The following PDGFRL variants were observed in gnomAD, a reference collection of about 807,000 sequenced individuals.
PDGFRL encodes the protein platelet-derived growth factor receptor-like protein.
Under a neutral mutation model 37.2 loss-of-function variants are expected in PDGFRL, and 46 were observed. The observed-to-expected ratio is 1.24, with a 90% confidence interval of 0.98 to 1.58. The LOEUF is 1.58. Among genes scored for constraint, PDGFRL ranks in the 40% most tolerant of loss-of-function variants. The pLI is 0.00. For missense variants in PDGFRL, 692 were observed against 467.6 expected, an observed-to-expected ratio of 1.48 and a Z score of -4.43; for synonymous variants, 251 against 184.3, an observed-to-expected ratio of 1.36 and a Z score of -2.93.
Position 17,617,650 on chromosome 8 carries a change from G to C in PDGFRL, c.354-3401G>C, listed in dbSNP as rs186973365. Among the ~76,000 whole-genome samples, 7 of 152,262 alleles carry C rather than the reference G, an allele frequency of 4.6e-5. No individual in the cohort carries two copies. In the East Asian group the frequency reaches 1.2e-3, roughly 25 times the overall value. On this transcript the variant is annotated intron_variant, in intron 2 of 5. Coordinates refer to ENST00000251630, the MANE Select transcript of PDGFRL (RefSeq NM_001372073.1). ...AATAATTTGTTTCCTGTTTTATATT[G>C]TTTGCGTAGAAGAGGGGGTGGAAAA... is the stretch of plus-strand genomic sequence containing the variant.
chr8:17,603,231 A>C (rs1483919729), intron 2 of PDGFRL, among the ~76,000 whole-genome samples: 1 of 152,120 alleles, frequency 6.6e-6, no homozygotes, highest in Admixed American at 6.5e-5. Context: ...TGATCCACCC[A>C]CCACCTGGGC....
chr8:17,599,195 G>A (rs370132651), intron 2 of PDGFRL, among the ~76,000 whole-genome samples: 22 of 151,708 alleles, frequency 1.5e-4, no homozygotes, highest in Non-Finnish European at 2.6e-4. Flanking sequence ...GGTTACATAC[G>A]TTCTTTAGTG....
intron 2 of PDGFRL, among the ~76,000 whole-genome samples, chr8:17,604,047 C>A (rs956557438): frequency 1.3e-5 from 2 of 152,042 alleles, no homozygotes; most frequent in East Asian, 1.9e-4. Flanking sequence ...GGAGGTGAGG[C>A]AGACCATGGA....
chr8:17,598,754 G>T (rs1006123325), intron 2 of PDGFRL, among the ~76,000 whole-genome samples: 3 of 152,088 alleles, frequency 2.0e-5, no homozygotes, highest in Non-Finnish European at 4.4e-5. Context: ...GTTGTGGGAG[G>T]GGCCCAGTGG....
chr8:17,609,744 C>T (rs1804367608), intron 2 of PDGFRL, among the ~76,000 whole-genome samples: 1 of 150,210 alleles, frequency 6.7e-6, no homozygotes, highest in Non-Finnish European at 1.5e-5. Context: ...ACTGATGTGG[C>T]TTGAACCCTA....
intron 5 of PDGFRL, among the ~76,000 whole-genome samples, chr8:17,638,738 C>CATATATATATATATATAT (rs56085770): frequency 2.1e-5 from 1 of 47,352 alleles, no homozygotes; most frequent in Non-Finnish European, 4.3e-5. Flanking sequence ...GCATTAGGTG[C>CATATATATATATATATAT]ATATATATAT....
chr8:17,625,211 G>C (rs542083263), intron 3 of PDGFRL, among the ~76,000 whole-genome samples: 1 of 133,206 alleles, frequency 7.5e-6, no homozygotes, highest in African/African-American at 2.8e-5. Context: ...GAGTGCAGTG[G>C]CACCATCTCA....
intron 3 of PDGFRL, among the ~76,000 whole-genome samples, chr8:17,627,373 G>A (rs1804753980): frequency 6.6e-6 from 1 of 152,106 alleles, no homozygotes; most frequent in Non-Finnish European, 1.5e-5. Flanking sequence ...TCATCTACAT[G>A]AGTGGATGTA....
rs546857545 is a variant in PDGFRL at position 17,583,915 on chromosome 8, A to C, written c.56-5553A>C. 6.8e-4 allele frequency among the ~76,000 whole-genome samples: 103 copies of C among 152,304 alleles called. 4 individuals are homozygous for C. Among genetic ancestry groups the C allele is most frequent in the Middle Eastern group, 3.4e-3 (1 of 294 alleles). On this transcript the variant is annotated intron_variant, in intron 1 of 5. Coordinates refer to ENST00000251630, the MANE Select transcript of PDGFRL (RefSeq NM_001372073.1). Reference sequence around the variant, plus strand: ...ATGCCCAGTCTTGAATCTTCTGGCCAGCAGAACTGTGAGCTGAGTAAACCT... The same window carrying C: ...ATGCCCAGTCTTGAATCTTCTGGCCCGCAGAACTGTGAGCTGAGTAAACCT...
At chr8:17,625,838 A>C (rs550467294) in intron 3 of PDGFRL, among the ~76,000 whole-genome samples, 1 of 152,100 alleles carries the variant, frequency 6.6e-6, no homozygotes, top group African/African-American at 2.4e-5. Flanking sequence ...AAACTAAAAA[A>C]TAAAAAATTA....
chr8:17,579,542 A>ATTT (rs1160408377), intron 1 of PDGFRL, among the ~76,000 whole-genome samples: 34 of 104,556 alleles, frequency 3.3e-4, no homozygotes, highest in Non-Finnish European at 5.7e-4. Context: ...CTTTATTATT[A>ATTT]TTTTATTATT....
At chr8:17,582,211 T>G (rs1369586697) in intron 1 of PDGFRL, among the ~76,000 whole-genome samples, 1 of 152,126 alleles carries the variant, frequency 6.6e-6, no homozygotes, top group East Asian at 1.9e-4. Context: ...AAGGCCACAC[T>G]TAAGAGTGAT....
intron 1 of PDGFRL, among the ~76,000 whole-genome samples, chr8:17,583,073 G>A (rs939263493): frequency 6.6e-6 from 1 of 152,162 alleles, no homozygotes; most frequent in Non-Finnish European, 1.5e-5. Context: ...AATAAACCTT[G>A]GAGGCTTCCA....
At chr8:17,578,058 C>G (rs1015045662) in intron 1 of PDGFRL, among the ~76,000 whole-genome samples, 1 of 128,648 alleles carries the variant, frequency 7.8e-6, no homozygotes, top group Non-Finnish European at 1.8e-5. Flanking sequence ...TTCTGTGTGT[C>G]TGGGTGTGTG....
intron 2 of PDGFRL, among the ~76,000 whole-genome samples, chr8:17,602,591 C>G (rs1804189033): frequency 6.6e-6 from 1 of 151,980 alleles, no homozygotes; most frequent in Non-Finnish European, 1.5e-5. Flanking sequence ...GGTGGAATAG[C>G]TTTGCGTGGA....
intron 4 of PDGFRL, among the ~76,000 whole-genome samples, chr8:17,631,440 G>C (rs757813419): frequency 1.3e-5 from 2 of 152,000 alleles, no homozygotes; most frequent in Non-Finnish European, 2.9e-5. Flanking sequence ...GTCATGCCTC[G>C]TGTTCTCAGC....
chr8:17,586,193 A>T (rs952978420), intron 1 of PDGFRL, among the ~76,000 whole-genome samples: 2 of 152,152 alleles, frequency 1.3e-5, no homozygotes, highest in Non-Finnish European at 2.9e-5. Context: ...GCCTCAAGTG[A>T]TCCACCTTCC....
At chr8:17,641,005 G>C (rs1042900842) in intron 5 of PDGFRL, among the ~76,000 whole-genome samples, 1 of 152,094 alleles carries the variant, frequency 6.6e-6, no homozygotes, top group African/African-American at 2.4e-5. Context: ...ATGTTCCTCA[G>C]GGGATTATGG....
intron 2 of PDGFRL, among the ~76,000 whole-genome samples, chr8:17,608,676 G>C (rs1804338480): frequency 6.6e-6 from 1 of 152,104 alleles, no homozygotes; most frequent in Admixed American, 6.5e-5. Flanking sequence ...GCTTATGAGG[G>C]GGGAAAAAAG....
Sources: allele counts gnomAD v4.1 joint callset (sites outside exome capture counted in the v4.1 genomes callset), GRCh38; gene constraint gnomAD v4.1.1; transcripts MANE v1.5; gene names NCBI Gene and HGNC (gene_info 2026-07-23, HGNC 2026-07-21).